The following GRIP1 variants were observed in gnomAD, a reference collection of about 807,000 sequenced individuals.
GRIP1 encodes the protein glutamate receptor-interacting protein 1.
A neutral mutation model predicts 129.9 loss-of-function variants in GRIP1; 45 were observed. The observed-to-expected ratio is 0.35, with a 90% CI of 0.27 to 0.44. The LOEUF (loss-of-function observed/expected upper bound fraction) is 0.44. Ranked by LOEUF, GRIP1 falls within the 20% of genes least tolerant of loss-of-function variation. The probability of loss-of-function intolerance (pLI) is 1.00; values close to 1 mark genes in which losing one functional copy is unlikely to be tolerated. For missense variants in GRIP1, 1,196 were observed against 1,396.8 expected, an observed-to-expected ratio of 0.86 and a Z score of 2.29; for synonymous variants, 530 against 520.8, an observed-to-expected ratio of 1.02 and a Z score of -0.24.
chr12:66,600,356 G>C (rs1401037841), intron 1 of GRIP1, among the ~76,000 whole-genome samples: 1 of 151,738 alleles, frequency 6.6e-6, no homozygotes, highest in Non-Finnish European at 1.5e-5. Context: ...ATATATAAAC[G>C]AACAAAAAAA....
chr12:66,527,285 A>G (rs2061279799), intron 5 of GRIP1, among the ~76,000 whole-genome samples: 1 of 151,692 alleles, frequency 6.6e-6, no homozygotes, highest in South Asian at 2.1e-4. Context: ...CCAAATGTCC[A>G]ACAATGATAG....
chr12:66,555,766 T>C (rs994326366), intron 2 of GRIP1, among the ~76,000 whole-genome samples: 1 of 152,002 alleles, frequency 6.6e-6, no homozygotes, highest in African/African-American at 2.4e-5. Flanking sequence ...GTTGAAAACA[T>C]GCAATTGACG....
intron 1 of GRIP1, among the ~76,000 whole-genome samples, chr12:66,940,831 G>T (rs1446305107): frequency 6.6e-6 from 1 of 152,146 alleles, no homozygotes; most frequent in Non-Finnish European, 1.5e-5. Context: ...TTCAACAGGA[G>T]AATGTCTTCT....
chr12:67,002,450 A>T (rs10878550), intron 1 of GRIP1, among the ~76,000 whole-genome samples: 76,236 of 152,028 alleles, frequency 0.5, 20,205 homozygotes, highest in Non-Finnish European at 0.58. Flanking sequence ...TAGTGCATCA[A>T]CTCACATTTA....
At chr12:66,471,666 AGAT>A (rs776274292) in intron 7 of GRIP1, among the ~76,000 whole-genome samples, 111 of 152,354 alleles carry the variant, frequency 7.3e-4, no homozygotes, top group South Asian at 1.2e-3. Context: ...GTGGAAATAA[AGAT>A]GATTCTAGCA....
At chr12:66,802,252 T>G (rs575789443) in intron 1 of GRIP1, among the ~76,000 whole-genome samples, 2 of 152,258 alleles carry the variant, frequency 1.3e-5, no homozygotes, top group East Asian at 3.9e-4. Flanking sequence ...GGACCCAATT[T>G]GCAACTAACT....
chr12:66,395,762 A>T (rs2056763197), intron 16 of GRIP1, among the ~76,000 whole-genome samples: 1 of 152,204 alleles, frequency 6.6e-6, no homozygotes, highest in Non-Finnish European at 1.5e-5. Flanking sequence ...AATCTTCAAC[A>T]TTGGGCTCAA....
At chr12:67,032,040 A>C (rs2043030507) in intron 1 of GRIP1, among the ~76,000 whole-genome samples, 1 of 152,108 alleles carries the variant, frequency 6.6e-6, no homozygotes. Flanking sequence ...TTAGGGATAC[A>C]CTTCAGACAG....
intron 11 of GRIP1, among the ~76,000 whole-genome samples, chr12:66,453,215 G>C (rs2058859348): frequency 6.6e-6 from 1 of 152,192 alleles, no homozygotes; most frequent in Non-Finnish European, 1.5e-5. Flanking sequence ...ACCTGAGATA[G>C]CCAAACATCA....
chr12:66,534,983 C>G (rs1472655271), intron 4 of GRIP1, among the ~76,000 whole-genome samples: 3 of 152,078 alleles, frequency 2.0e-5, no homozygotes, highest in Non-Finnish European at 4.4e-5. Context: ...CATCAGCCAC[C>G]ACACCTAGCC....
intron 1 of GRIP1, among the ~76,000 whole-genome samples, chr12:66,660,471 G>A (rs4475998): frequency 6.6e-6 from 1 of 152,046 alleles, no homozygotes; most frequent in Non-Finnish European, 1.5e-5. Context: ...TTATCCATCA[G>A]CTAATAACAA....
intron 1 of GRIP1, among the ~76,000 whole-genome samples, chr12:66,957,147 C>T (rs537616352): frequency 1.3e-5 from 2 of 152,084 alleles, no homozygotes; most frequent in African/African-American, 4.8e-5. Flanking sequence ...TAGGAAGGTT[C>T]CCAATCCAAT....
Position 66,499,940 on chromosome 12 carries a change from G to GCTAC in GRIP1, c.724+15678_724+15679insGTAG, listed in dbSNP as rs1592437887. ...TGGGAGGATAGCTTGAGCCCAGGGG[G>GCTAC]TCAGGGCTGCTGTGAACCTACCACC... On this transcript the variant is annotated intron_variant, in intron 7 of 24. Transcript: ENST00000359742. 1.5e-4 allele frequency among the ~76,000 whole-genome samples: 23 copies of GCTAC among 152,234 alleles called. No homozygotes were observed. In the East Asian group the frequency reaches 4.4e-3, roughly 29 times the overall value.
intron 4 of GRIP1, among the ~76,000 whole-genome samples, chr12:66,530,681 T>C (rs747230911): frequency 3.3e-5 from 5 of 152,102 alleles, no homozygotes; most frequent in Non-Finnish European, 7.4e-5. Flanking sequence ...TAAGATTGCT[T>C]ACAAGAACCT....
At position 66,985,323 on chromosome 12, in the gene GRIP1, T is replaced by C. The variant is rs180963654; in HGVS notation, c.58+83727A>G. Reference sequence around the variant, plus strand: ...AGATGAGCTTGCAGTATGCGATATATTGTGGCAGCTACCATTGGAAAATAT... The same window carrying C: ...AGATGAGCTTGCAGTATGCGATATACTGTGGCAGCTACCATTGGAAAATAT... On this transcript the variant is annotated intron_variant, in intron 1 of 1. Transcript: ENST00000643019. Among the ~76,000 whole-genome samples the C allele has an allele frequency of 7.6e-4, 116 of 152,252 alleles. No individual in the cohort carries two copies. In the South Asian group the frequency reaches 7.7e-3, roughly 10 times the overall value.
intron 11 of GRIP1, among the ~76,000 whole-genome samples, chr12:66,451,507 G>A (rs768325178): frequency 3.6e-5 from 5 of 140,254 alleles, no homozygotes; most frequent in South Asian, 2.4e-4. Context: ...GGGCTCAAGC[G>A]ATCCTTCCAC....
At chr12:66,408,675 T>C (rs966013109) in intron 15 of GRIP1, among the ~76,000 whole-genome samples, 2 of 152,024 alleles carry the variant, frequency 1.3e-5, no homozygotes, top group East Asian at 3.9e-4. Flanking sequence ...GACTTTATCT[T>C]GAAGCTTAGG....
chr12:66,409,442 TC>T (rs1000179485), intron 15 of GRIP1, among the ~76,000 whole-genome samples: 66 of 152,292 alleles, frequency 4.3e-4, no homozygotes, highest in African/African-American at 1.4e-3. Flanking sequence ...TATTTTTGAG[TC>T]TGCAAGAGCC....
rs543012427 is a variant in GRIP1, at chr12:66,574,569, A to G, written c.136+22278T>C. On this transcript the variant is annotated intron_variant, in intron 2 of 24. Transcript: ENST00000359742. The stretch of plus-strand genomic sequence containing the variant: ...ACCTCATACGTTTAACAGTTTTATA[A>G]ACCTTCCTAGAATAATGACATCCTA... 5.9e-5 allele frequency among the ~76,000 whole-genome samples: 9 copies of G among 152,346 alleles called. No individual in the cohort carries two copies. In the South Asian group the frequency reaches 1.9e-3, roughly 32 times the overall value.
Sources: gnomAD v4.1 joint callset for allele counts (sites outside exome capture counted in the v4.1 genomes callset) on GRCh38, gnomAD v4.1.1 for gene constraint, MANE v1.5 for transcripts, NCBI Gene and HGNC (gene_info 2026-07-23, HGNC 2026-07-21) for gene names.